AMBRA1: variants seen among roughly 807,000 people sequenced by gnomAD.
The protein encoded by AMBRA1 is autophagy and beclin 1 regulator 1.
AMBRA1 carries 47 observed loss-of-function variants against 125.4 expected under a neutral mutation model. That is an observed-to-expected ratio of 0.37 (90% confidence interval 0.30 to 0.48). AMBRA1 has a LOEUF of 0.48. Ranked by LOEUF, AMBRA1 falls within the 20% of genes least tolerant of loss-of-function variation. AMBRA1 has a pLI of 0.99. For synonymous variants in AMBRA1, 626 were observed against 655.5 expected, an observed-to-expected ratio of 0.95 and a Z score of 0.69; for missense variants, 1,331 against 1,693.4, an observed-to-expected ratio of 0.79 and a Z score of 3.76.
chr11:46,455,185 C>G (rs1375196965), intron 11 of AMBRA1, among the ~76,000 whole-genome samples: 1 of 152,152 alleles, frequency 6.6e-6, no homozygotes, highest in Non-Finnish European at 1.5e-5. Flanking sequence ...CTGCACCCAG[C>G]ATAGGTTTTC....
At chr11:46,505,987 G>T (rs750294203) in intron 9 of AMBRA1, among the ~76,000 whole-genome samples, 1 of 152,150 alleles carries the variant, frequency 6.6e-6, no homozygotes, top group African/African-American at 2.4e-5. Context: ...CACAGCATTA[G>T]TGAGAGAAAG....
intron 11 of AMBRA1, among the ~76,000 whole-genome samples, chr11:46,453,956 G>A (rs1248982136): frequency 6.6e-6 from 1 of 151,974 alleles, no homozygotes; most frequent in African/African-American, 2.4e-5. Context: ...TAGGAATTAG[G>A]CCCCCAAATA....
rs1951315161 is a variant in AMBRA1, at chr11:46,512,763, C to A, written c.2123G>T (p.Gly708Val). Reference sequence around the variant, plus strand: ...TGGGTAAATTGGGTGCTCTCTGGATCCTGCTCCATCATAACGGGATAATGA... The same window carrying A: ...TGGGTAAATTGGGTGCTCTCTGGATACTGCTCCATCATAACGGGATAATGA... ...LISLSRYDGAGSREHPIYPDP... is the reference protein window; with the variant it reads ...LISLSRYDGAVSREHPIYPDP... Residue 708 changes from glycine (G) to valine (V), a missense_variant, in exon 8 of 18, where the codon GGA becomes GTA. Gly to Val is a moderately radical substitution (Grantham distance 109, BLOSUM62 -3). Transcript: ENST00000683756. The A allele has an allele frequency of 1.2e-6, 2 of 1,613,576 alleles. No individual in the cohort carries two copies. Among genetic ancestry groups the A allele is most frequent in the African/African-American group, 2.7e-5 (2 of 74,888 alleles).
chr11:46,523,028 C>T (rs1951825279), intron 7 of AMBRA1, among the ~76,000 whole-genome samples: 1 of 152,124 alleles, frequency 6.6e-6, no homozygotes, highest in South Asian at 2.1e-4. Flanking sequence ...GTTTATTAAC[C>T]AGAGGCAAGG....
In AMBRA1 at chr11:46,443,576, C is replaced by T; in HGVS notation, c.2544G>A (p.Gln848=). The stretch of plus-strand genomic sequence containing the variant: ...TGGCAATGTTACTGGCCACAGCAGA[C>T]TGTCCATCACCGATCACTGCCCCTT... ...VLAGAVIGDG[Q]SAVASNIANT... Residue 848 remains glutamine (Q), a synonymous_variant, in exon 12 of 18, where the codon CAG becomes CAA. Transcript: ENST00000683756. The T allele has an allele frequency of 6.2e-7, 1 of 1,614,092 alleles. No individual in the cohort carries two copies. The highest frequency in any genetic ancestry group is 8.5e-7 in the Non-Finnish European group (1 of 1,179,974).
At chr11:46,403,806 G>A (rs1235430144) in intron 17 of AMBRA1, among the ~76,000 whole-genome samples, 1 of 152,140 alleles carries the variant, frequency 6.6e-6, no homozygotes, top group Non-Finnish European at 1.5e-5. Flanking sequence ...AGTAGCCTAG[G>A]AGCCCTTTGG....
At chr11:46,462,651 C>T (rs1181903811) in intron 11 of AMBRA1, among the ~76,000 whole-genome samples, 1 of 151,880 alleles carries the variant, frequency 6.6e-6, no homozygotes, top group African/African-American at 2.4e-5. Context: ...GCTCATACTG[C>T]CCCCACTATC....
In AMBRA1 at chr11:46,492,725, A is replaced by G. The variant is rs79325007; in HGVS notation, c.2521+883T>C. 3.1e-4 allele frequency among the ~76,000 whole-genome samples: 47 copies of G among 152,282 alleles called. No homozygotes were observed. In the East Asian group the frequency reaches 7.5e-3, roughly 24 times the overall value. On this transcript the variant is annotated intron_variant, in intron 11 of 17. Transcript: ENST00000683756. ...ACAGTCACGTCATGCCTCACAGCCG[A>G]AAAACATCTGTCACTAAGCTATTCA... is the stretch of plus-strand genomic sequence containing the variant.
intron 1 of AMBRA1, among the ~76,000 whole-genome samples, chr11:46,573,223 G>A (rs2043828737): frequency 6.6e-6 from 1 of 151,640 alleles, no homozygotes; most frequent in Admixed American, 6.6e-5. Context: ...TCGCCAACAT[G>A]GTGAAACTCT....
chr11:46,589,747 GTAAC>G (rs201542637), intron 1 of AMBRA1, among the ~76,000 whole-genome samples: 3,173 of 151,940 alleles, frequency 0.021, 46 homozygotes, highest in Non-Finnish European at 0.032. Context: ...AGTCTCCCAA[GTAAC>G]TGGGACTACA....
At position 46,541,966 on chromosome 11, in the gene AMBRA1, G is replaced by A. The variant is rs758863111; in HGVS notation, c.2051C>T (p.Ser684Phe). The A allele has an allele frequency of 4.8e-5, 77 of 1,612,760 alleles. No individual in the cohort carries two copies. Among genetic ancestry groups the A allele is most frequent in the Non-Finnish European group, 6.2e-5 (73 of 1,179,638 alleles). ...TTACCTCCTGAGTGAATCCTCCTCAGAGCTCTCCTCAGGCATATCCTGATG... is the reference window on the plus strand; with the variant it reads ...TTACCTCCTGAGTGAATCCTCCTCAAAGCTCTCCTCAGGCATATCCTGATG... Reference protein sequence around the residue: ...ALHQDMPEESSEEDSLRRRLL... With the variant: ...ALHQDMPEESFEEDSLRRRLL... Residue 684 changes from serine (S) to phenylalanine (F), a missense_variant, in exon 7 of 18, where the codon TCT (serine) becomes TTT (phenylalanine). Physicochemically the swap from Ser to Phe is radical, Grantham distance 155 (BLOSUM62 -2). Transcript: ENST00000683756.
intron 1 of AMBRA1, among the ~76,000 whole-genome samples, chr11:46,566,163 A>C (rs1026222877): frequency 2.0e-5 from 3 of 152,178 alleles, no homozygotes; most frequent in Non-Finnish European, 4.4e-5. Context: ...TCACACCTTT[A>C]ATCCCAGCAC....
intron 1 of AMBRA1, among the ~76,000 whole-genome samples, chr11:46,572,753 G>GGTGTTATCATCCCCC (rs1435295523): frequency 6.6e-6 from 1 of 152,108 alleles, no homozygotes; most frequent in Non-Finnish European, 1.5e-5. Flanking sequence ...TTGAAAGGTA[G>GGTGTTATCATCCCCC]GTGTTATCAT....
chr11:46,562,928 G>A (rs1197670280), intron 1 of AMBRA1, among the ~76,000 whole-genome samples: 1 of 151,826 alleles, frequency 6.6e-6, no homozygotes, highest in African/African-American at 2.4e-5. Context: ...AGCCTCCTGA[G>A]TAGCTGGGAT....
intron 11 of AMBRA1, among the ~76,000 whole-genome samples, chr11:46,450,595 A>G (rs1423906127): frequency 6.6e-6 from 1 of 151,950 alleles, no homozygotes; most frequent in Non-Finnish European, 1.5e-5. Context: ...GTGTGCCACC[A>G]TGACCAGCTG....
chr11:46,409,230 C>G (rs1946170828), intron 16 of AMBRA1, among the ~76,000 whole-genome samples: 1 of 150,482 alleles, frequency 6.6e-6, no homozygotes, highest in African/African-American at 2.4e-5. Flanking sequence ...TTTGGTGAGA[C>G]AGTCTCGCCC....
intron 7 of AMBRA1, among the ~76,000 whole-genome samples, chr11:46,525,549 G>A (rs989682531): frequency 1.3e-5 from 2 of 152,100 alleles, no homozygotes; most frequent in Non-Finnish European, 2.9e-5. Context: ...TCAGGAGTTC[G>A]AGACCAGCCT....
chr11:46,493,730 G>C (rs375435986), intron 10 of AMBRA1, 22 bp from the exon 11 acceptor site: 9 of 1,568,514 alleles, frequency 5.7e-6, no homozygotes, highest in Non-Finnish European at 7.7e-6. Context: ...AATCACATGT[G>C]AAAAGCTGAC....
chr11:46,404,660 C>A (rs989923950), intron 17 of AMBRA1, among the ~76,000 whole-genome samples: 8 of 152,204 alleles, frequency 5.3e-5, no homozygotes, highest in African/African-American at 1.9e-4. Flanking sequence ...GCCTGCTGCT[C>A]CCGCTGACCA....
Sources: allele counts gnomAD v4.1 joint callset (sites outside exome capture counted in the v4.1 genomes callset), GRCh38; gene constraint gnomAD v4.1.1; transcripts MANE v1.5; gene names NCBI Gene and HGNC (gene_info 2026-07-23, HGNC 2026-07-21).